Variants in SPTLC3 observed in about 807,000 individuals in gnomAD.
SPTLC3 encodes serine palmitoyltransferase 3.
Under a neutral mutation model 59.3 loss-of-function variants are expected in SPTLC3, and 36 were observed. The ratio of observed to expected loss-of-function variants is 0.61; its 90% CI spans 0.47 to 0.80. SPTLC3 has a LOEUF of 0.80. Ranked by LOEUF, SPTLC3 falls within the 30% of genes least tolerant of loss-of-function variation. The pLI is 0.00. For missense variants in SPTLC3, 625 were observed against 685.1 expected (o/e 0.91, Z 0.98); for synonymous variants, 257 against 240.8 (o/e 1.07, Z -0.62).
chr20:13,034,587 A>G (rs754475537), intron 1 of SPTLC3, among the ~76,000 whole-genome samples: 13 of 152,160 alleles, frequency 8.5e-5, no homozygotes, highest in Non-Finnish European at 1.9e-4. Context: ...CAGAAATTAT[A>G]TTTGCAGAGA....
In SPTLC3 at chr20:13,093,556, A is replaced by C; in HGVS notation, c.805A>C (p.Ile269Leu). ...TGGGGCCCGACTCTCAGGTGCAACC[A>C]TAAGAATCTTCAAACACAACAGTGA... ...VLGARLSGAT[I>L]RIFKHNNTQS... The change falls in exon 6 of 12, where the codon ATA becomes CTA. Residue 269 changes from isoleucine (I) to leucine (L), a missense_variant. Coordinates refer to ENST00000399002, the MANE Select transcript of SPTLC3 (RefSeq NM_018327.4). 2 of 1,613,528 alleles carry C rather than the reference A, an allele frequency of 1.2e-6. No individual in the cohort carries two copies. The highest frequency in any genetic ancestry group is 1.3e-5 in the African/African-American group (1 of 75,036).
chr20:13,093,522 G>A lies in SPTLC3; in HGVS notation c.771G>A (p.Ser257=), dbSNP rs1296791239. Residue 257 remains serine (S), a synonymous_variant, in exon 6 of 12, where the codon TCG becomes TCA. Coordinates refer to ENST00000399002, the MANE Select transcript of SPTLC3 (RefSeq NM_018327.4). The part of the protein sequence containing the change: ...LILSDELNHT[S]LVLGARLSGA... ...TAAGTGATGAGTTAAACCACACATC[G>A]CTTGTGCTTGGGGCCCGACTCTCAG... 6 of 1,613,432 alleles carry A rather than the reference G, an allele frequency of 3.7e-6. No homozygotes were observed. The highest frequency in any genetic ancestry group is 2.2e-5 in the East Asian group (1 of 44,866).
Position 13,074,372 on chromosome 20 carries a change from A to T in SPTLC3, c.482A>T (p.Asp161Val), listed in dbSNP as rs1988563402. 6.2e-7 allele frequency: 1 copy of T among 1,614,086 alleles called. No individual in the cohort carries two copies. ...AGGTTTACTGGAAGAGTCATCAAAG[A>T]TGTCATCAACATGGGCTCCTATAAC... ...TFRFTGRVIKDVINMGSYNFL... is the reference protein window; with the variant it reads ...TFRFTGRVIKVVINMGSYNFL... The change falls in exon 4 of 12, where the codon GAT (aspartate) becomes GTT (valine). Residue 161 changes from aspartate (D) to valine (V), a missense_variant. By Grantham distance (152) the Asp-to-Val change is radical. Transcript: ENST00000399002.
chr20:13,124,241 C>T (rs922743455), intron 8 of SPTLC3, among the ~76,000 whole-genome samples: 2 of 152,004 alleles, frequency 1.3e-5, no homozygotes, highest in Non-Finnish European at 2.9e-5. Flanking sequence ...TCCCTCCCCT[C>T]CTGGACTCCC....
At chr20:13,146,526 C>T (rs1460850397) in intron 9 of SPTLC3, among the ~76,000 whole-genome samples, 1 of 152,118 alleles carries the variant, frequency 6.6e-6, no homozygotes, top group Non-Finnish European at 1.5e-5. Flanking sequence ...TAATTAATGG[C>T]TTGCTAAAAT....
intron 4 of SPTLC3, among the ~76,000 whole-genome samples, chr20:13,082,935 T>A (rs1407416360): frequency 6.6e-6 from 1 of 152,204 alleles, no homozygotes; most frequent in Non-Finnish European, 1.5e-5. Context: ...TAATTTCTCA[T>A]GTCCAGGTGA....
intron 8 of SPTLC3, among the ~76,000 whole-genome samples, chr20:13,119,543 CT>C (rs1990782703): frequency 6.6e-6 from 1 of 152,196 alleles, no homozygotes; most frequent in Non-Finnish European, 1.5e-5. Context: ...GTATGTACAT[CT>C]GTTCATTTTC....
chr20:13,093,348 A>C (rs1989296269), intron 5 of SPTLC3, 136 bp from the exon 6 acceptor site: 1 of 705,876 alleles, frequency 1.4e-6, no homozygotes. Context: ...CACCAGGTTA[A>C]ACTCTTGGCC....
chr20:13,026,771 C>A (rs1007889003), intron 1 of SPTLC3, among the ~76,000 whole-genome samples: 1 of 152,160 alleles, frequency 6.6e-6, no homozygotes, highest in Non-Finnish European at 1.5e-5. Context: ...ATGTGCACAG[C>A]CTCCTCTCCA....
intron 5 of SPTLC3, 132 bp from the exon 6 acceptor site, chr20:13,093,352 C>T: frequency 2.7e-6 from 2 of 738,270 alleles, no homozygotes; most frequent in East Asian, 5.3e-5. Flanking sequence ...AGGTTAAACT[C>T]TTGGCCTTTT....
At position 13,053,858 on chromosome 20, in the gene SPTLC3, C is replaced by T. The variant is rs370509987; in HGVS notation, c.303+4728C>T. The stretch of plus-strand genomic sequence containing the variant: ...TTAGGGAAAGAAGAATAAAAAGGAA[C>T]GAACAAAGCCTCCAAGAAATATGGG... On this transcript the variant is annotated intron_variant, in intron 2 of 11. Coordinates refer to ENST00000399002, the MANE Select transcript of SPTLC3 (RefSeq NM_018327.4). Among the ~76,000 whole-genome samples the T allele has an allele frequency of 7.9e-4, 120 of 152,092 alleles. 2 individuals carry two copies. Among genetic ancestry groups the T allele is most frequent in the African/African-American group, 2.6e-3 (109 of 41,502 alleles).
At chr20:13,077,647 G>T (rs1450639589) in intron 4 of SPTLC3, among the ~76,000 whole-genome samples, 3 of 152,136 alleles carry the variant, frequency 2.0e-5, no homozygotes, top group Non-Finnish European at 4.4e-5. Context: ...TTACTAAGCA[G>T]GAAAGATGAA....
intron 2 of SPTLC3, among the ~76,000 whole-genome samples, chr20:13,054,834 T>C (rs754877704): frequency 2.0e-5 from 3 of 151,976 alleles, no homozygotes; most frequent in Non-Finnish European, 2.9e-5. Flanking sequence ...GCCAGGGAAG[T>C]AGACAAGATC....
At chr20:13,144,338 A>G (rs2038455707) in intron 9 of SPTLC3, among the ~76,000 whole-genome samples, 1 of 152,248 alleles carries the variant, frequency 6.6e-6, no homozygotes, top group Admixed American at 6.5e-5. Flanking sequence ...TCCACTGAAC[A>G]CAACAGCCAC....
At chr20:13,130,399 G>A (rs912931943) in intron 9 of SPTLC3, among the ~76,000 whole-genome samples, 2 of 151,914 alleles carry the variant, frequency 1.3e-5, no homozygotes, top group African/African-American at 4.8e-5. Flanking sequence ...CTTTGTTTCA[G>A]GTTGAGTTTG....
At chr20:13,049,267 C>T (rs1026052509) in intron 2 of SPTLC3, 137 bp downstream of exon 2, 4 of 944,948 alleles carry the variant, frequency 4.2e-6, no homozygotes, top group Admixed American at 2.0e-5. Flanking sequence ...CATTCATCTC[C>T]ACCTCCTAAA....
In SPTLC3 at chr20:13,063,276, G is replaced by A. The variant is rs368307160; in HGVS notation, c.304-8980G>A. Reference sequence around the variant, plus strand: ...TGCTCATAATTTTATTAAACTTTTTGAAAATTGATTTAGAGGAACTCTATG... The same window carrying A: ...TGCTCATAATTTTATTAAACTTTTTAAAAATTGATTTAGAGGAACTCTATG... On this transcript the variant is annotated intron_variant, in intron 2 of 11. Coordinates refer to ENST00000399002, the MANE Select transcript of SPTLC3 (RefSeq NM_018327.4). Among the ~76,000 whole-genome samples, 14 of 152,094 alleles carry A rather than the reference G, an allele frequency of 9.2e-5. No homozygotes were observed. The East Asian group carries it at 1.7e-3, about 19-fold the overall frequency.
intron 4 of SPTLC3, among the ~76,000 whole-genome samples, chr20:13,085,924 A>G (rs6134778): frequency 0.27 from 41,809 of 152,086 alleles, 5,902 homozygotes; most frequent in Middle Eastern, 0.36. Context: ...CATAACACTG[A>G]ATAAATGGAC....
intron 4 of SPTLC3, 118 bp from the exon 5 acceptor site, chr20:13,090,965 C>T: frequency 7.2e-7 from 1 of 1,382,532 alleles, no homozygotes; most frequent in Non-Finnish European, 9.8e-7. Flanking sequence ...GGCAAATCTT[C>T]CTGCTACAAG....
Sources: allele counts gnomAD v4.1 joint callset (sites outside exome capture counted in the v4.1 genomes callset), GRCh38; gene constraint gnomAD v4.1.1; transcripts MANE v1.5; gene names NCBI Gene and HGNC (gene_info 2026-07-23, HGNC 2026-07-21).